GPC6: variants seen among roughly 807,000 people sequenced by gnomAD.
GPC6 encodes the protein glypican-6.
In GPC6, 14 loss-of-function variants were observed where a neutral mutation model predicts 55.2. The ratio of observed to expected loss-of-function variants is 0.25; its 90% confidence interval spans 0.17 to 0.40. The LOEUF (loss-of-function observed/expected upper bound fraction) is 0.40, where lower values mean the gene tolerates loss of function less well. Ranked by LOEUF, GPC6 falls within the 10% of genes least tolerant of loss-of-function variation. The pLI is 1.00. For missense variants in GPC6, 641 were observed against 708.5 expected (o/e 0.90, Z 1.08); for synonymous variants, 278 against 259.6 (o/e 1.07, Z -0.68).
intron 4 of GPC6, among the ~76,000 whole-genome samples, chr13:94,271,900 G>A (rs961931157): frequency 6.6e-6 from 1 of 152,164 alleles, no homozygotes; most frequent in Non-Finnish European, 1.5e-5. Context: ...ATTTCATGGG[G>A]TAAATCAGAG....
At chr13:93,439,838 C>A (rs986759195) in intron 1 of GPC6, among the ~76,000 whole-genome samples, 1 of 152,054 alleles carries the variant, frequency 6.6e-6, no homozygotes, top group Non-Finnish European at 1.5e-5. Context: ...TTGTTTGTAC[C>A]TTCTTGTCAT....
At chr13:94,054,678 G>T (rs1165225114) in intron 4 of GPC6, among the ~76,000 whole-genome samples, 1 of 152,170 alleles carries the variant, frequency 6.6e-6, no homozygotes, top group Non-Finnish European at 1.5e-5. Flanking sequence ...GTTCAGAAGA[G>T]GTCGTCTAAT....
At chr13:93,572,940 C>A (rs1876477436) in intron 2 of GPC6, among the ~76,000 whole-genome samples, 1 of 152,092 alleles carries the variant, frequency 6.6e-6, no homozygotes. Flanking sequence ...AGAAAGATAG[C>A]AGGTCAGTTA....
chr13:93,403,718 G>C (rs530862637), intron 1 of GPC6, among the ~76,000 whole-genome samples: 2 of 152,084 alleles, frequency 1.3e-5, no homozygotes, highest in African/African-American at 2.4e-5. Flanking sequence ...GCTCGCTCAT[G>C]CCTCAGATAT....
intron 1 of GPC6, among the ~76,000 whole-genome samples, chr13:93,437,427 G>A (rs1158132896): frequency 1.3e-5 from 2 of 152,200 alleles, no homozygotes; most frequent in African/African-American, 4.8e-5. Flanking sequence ...CAAAGGAAAA[G>A]TTTTTGAAGG....
At chr13:93,314,590 G>T (rs967432604) in intron 1 of GPC6, among the ~76,000 whole-genome samples, 1 of 152,126 alleles carries the variant, frequency 6.6e-6, no homozygotes, top group South Asian at 2.1e-4. Context: ...AGGAGACCTT[G>T]GTTGCCTTGT....
At chr13:94,363,052 C>G (rs1314301274) in intron 6 of GPC6, among the ~76,000 whole-genome samples, 1 of 152,040 alleles carries the variant, frequency 6.6e-6, no homozygotes, top group Non-Finnish European at 1.5e-5. Flanking sequence ...GCCCCCACCC[C>G]CCGACAGGCC....
At chr13:94,273,116 T>A (rs576377229) in intron 4 of GPC6, among the ~76,000 whole-genome samples, 2 of 152,296 alleles carry the variant, frequency 1.3e-5, no homozygotes, top group South Asian at 2.1e-4. Flanking sequence ...GCCTGCCTGG[T>A]GTTGCATTTA....
Position 93,720,827 on chromosome 13 carries a change from G to A in GPC6, c.320-109327G>A, listed in dbSNP as rs547593042. On this transcript the variant is annotated intron_variant, in intron 2 of 8. Coordinates refer to ENST00000377047, the MANE Select transcript of GPC6 (RefSeq NM_005708.5). ...TCGGCCTTAATTTCATTATTTACCC[G>A]GTAATCATTCAGGAGCAGATTGTTC... 3.3e-5 allele frequency among the ~76,000 whole-genome samples: 5 copies of A among 151,720 alleles called. No individual in the cohort carries two copies. In the South Asian group the frequency reaches 1.0e-3, roughly 32 times the overall value.
chr13:94,154,106 C>T (rs1566473958), intron 4 of GPC6: 1 of 151,960 alleles, frequency 6.6e-6, no homozygotes, highest in African/African-American at 2.4e-5. Context: ...TCAAACTAGA[C>T]TTAGTTCAGG....
chr13:93,689,513 T>C (rs1287764764), intron 2 of GPC6, among the ~76,000 whole-genome samples: 2 of 152,064 alleles, frequency 1.3e-5, no homozygotes, highest in African/African-American at 4.8e-5. Flanking sequence ...TTGAGAAATG[T>C]ATGGCATTTT....
At chr13:93,874,622 G>A (rs572999023) in intron 3 of GPC6, among the ~76,000 whole-genome samples, 17 of 149,340 alleles carry the variant, frequency 1.1e-4, no homozygotes, top group Admixed American at 2.0e-4. Context: ...GAGCCCTACC[G>A]TAACTCTATA....
At chr13:93,823,621 G>T (rs563190197) in intron 2 of GPC6, among the ~76,000 whole-genome samples, 1 of 152,204 alleles carries the variant, frequency 6.6e-6, no homozygotes, top group South Asian at 2.1e-4. Flanking sequence ...TTAAAGTTTG[G>T]TATCTTTACT....
intron 6 of GPC6, among the ~76,000 whole-genome samples, chr13:94,313,487 G>C (rs1235218865): frequency 6.6e-6 from 1 of 152,132 alleles, no homozygotes; most frequent in Non-Finnish European, 1.5e-5. Flanking sequence ...CTCTCTTTCA[G>C]TCCTGGCAAA....
Position 93,428,081 on chromosome 13 carries a change from A to G in GPC6, c.161-117182A>G, listed in dbSNP as rs538637253. On this transcript the variant is annotated intron_variant, in intron 1 of 8. Coordinates refer to ENST00000377047, the MANE Select transcript of GPC6 (RefSeq NM_005708.5). ...GCTATATTCTAGGTTTGAACCTCGTACCATCCTAGTTTTTGGATATTCTGC... is the reference window on the plus strand; with the variant it reads ...GCTATATTCTAGGTTTGAACCTCGTGCCATCCTAGTTTTTGGATATTCTGC... 3.4e-3 allele frequency among the ~76,000 whole-genome samples: 524 copies of G among 152,266 alleles called. 6 individuals carry two copies. Among genetic ancestry groups the G allele is most frequent in the Non-Finnish European group, 5.3e-3 (362 of 68,020 alleles).
intron 2 of GPC6, among the ~76,000 whole-genome samples, chr13:93,814,181 T>C (rs1209191001): frequency 1.3e-5 from 2 of 152,208 alleles, no homozygotes; most frequent in Non-Finnish European, 2.9e-5. Flanking sequence ...ATTTGAGGAA[T>C]TGCTTTTATT....
chr13:94,362,990 G>A (rs556915883), intron 6 of GPC6, among the ~76,000 whole-genome samples: 49 of 152,066 alleles, frequency 3.2e-4, no homozygotes, highest in Non-Finnish European at 6.8e-4. Context: ...CATCATCTAC[G>A]TTTTAAGCCC....
intron 2 of GPC6, among the ~76,000 whole-genome samples, chr13:93,649,974 TAATG>T (rs1317471529): frequency 1.3e-5 from 2 of 152,182 alleles, no homozygotes; most frequent in Non-Finnish European, 2.9e-5. Flanking sequence ...TCAAATAAAA[TAATG>T]AAGTCTTCAG....
chr13:93,265,123 T>C (rs997591839), intron 1 of GPC6, among the ~76,000 whole-genome samples: 5 of 152,166 alleles, frequency 3.3e-5, no homozygotes, highest in Non-Finnish European at 5.9e-5. Flanking sequence ...TTCAAAACCA[T>C]TGATGCTACT....
Sources: gnomAD v4.1 joint callset for allele counts (sites outside exome capture counted in the v4.1 genomes callset) on GRCh38, gnomAD v4.1.1 for gene constraint, MANE v1.5 for transcripts, NCBI Gene and HGNC (gene_info 2026-07-23, HGNC 2026-07-21) for gene names.